Variants in MAST4 observed in about 807,000 individuals in gnomAD.
MAST4 encodes the protein microtubule associated serine/threonine kinase family member 4, also known as microtubule-associated serine/threonine-protein kinase 4.
Under a neutral mutation model 162.7 loss-of-function variants are expected in MAST4, and 89 were observed. The observed-to-expected ratio is 0.55, with a 90% confidence interval of 0.46 to 0.65. The LOEUF (loss-of-function observed/expected upper bound fraction) is 0.65, where lower values mean the gene tolerates loss of function less well. Among genes scored for constraint, MAST4 ranks in the 30% least tolerant of loss-of-function variants. The pLI is 0.00. For missense variants in MAST4, 3,153 were observed against 3,374.0 expected (o/e 0.93, Z 1.62); for synonymous variants, 1,479 against 1,361.1 (o/e 1.09, Z -1.91).
intron 1 of MAST4, among the ~76,000 whole-genome samples, chr5:66,679,879 C>A (rs1748216558): frequency 6.6e-6 from 1 of 152,130 alleles, no homozygotes; most frequent in Admixed American, 6.5e-5. Flanking sequence ...CATCGTCCTT[C>A]AAAGCCCATA....
At chr5:66,771,756 C>CTT (rs201095408) in intron 2 of MAST4, among the ~76,000 whole-genome samples, 51 of 143,572 alleles carry the variant, frequency 3.6e-4, no homozygotes, top group Non-Finnish European at 5.5e-4. Context: ...TGGTTTCGGG[C>CTT]TTTTTTTTTT....
chr5:66,914,391 T>A (rs1306409822), intron 4 of MAST4, among the ~76,000 whole-genome samples: 2 of 152,166 alleles, frequency 1.3e-5, no homozygotes, highest in Non-Finnish European at 2.9e-5. Flanking sequence ...AGCAAATACT[T>A]TGTCCAAAAA....
intron 4 of MAST4, among the ~76,000 whole-genome samples, chr5:67,006,897 A>T (rs868064835): frequency 1.4e-4 from 21 of 152,274 alleles, no homozygotes; most frequent in African/African-American, 4.8e-4. Flanking sequence ...CCGTATCTTC[A>T]ATTTGGCAAA....
rs570411883 is a variant in MAST4 at position 66,630,143 on chromosome 5, G to C, written c.363+33125G>C. ...CTAGACCAACCAAATCAGACTCCTGGGAATGGGGCCTAGGTATTGCTAAAG... is the reference window on the plus strand; with the variant it reads ...CTAGACCAACCAAATCAGACTCCTGCGAATGGGGCCTAGGTATTGCTAAAG... On this transcript the variant is annotated intron_variant, in intron 1 of 28. Transcript: ENST00000403625. 2.2e-3 allele frequency among the ~76,000 whole-genome samples: 329 copies of C among 152,246 alleles called. 1 individual carries two copies. Among genetic ancestry groups the C allele is most frequent in the Non-Finnish European group, 1.3e-3 (91 of 68,028 alleles).
chr5:66,871,356 G>A (rs1056288915), intron 3 of MAST4, among the ~76,000 whole-genome samples: 2 of 152,066 alleles, frequency 1.3e-5, no homozygotes, highest in African/African-American at 4.8e-5. Flanking sequence ...CACAGTAATG[G>A]CTATTTTTAA....
At chr5:66,912,849 G>C (rs1239054128) in intron 4 of MAST4, among the ~76,000 whole-genome samples, 1 of 152,066 alleles carries the variant, frequency 6.6e-6, no homozygotes, top group African/African-American at 2.4e-5. Flanking sequence ...CTTCAAATTG[G>C]TTTTCATAAG....
intron 4 of MAST4, among the ~76,000 whole-genome samples, chr5:66,906,980 T>C (rs1763393441): frequency 1.3e-5 from 2 of 152,106 alleles, no homozygotes; most frequent in African/African-American, 4.8e-5. Flanking sequence ...CTGGGCCTGC[T>C]AGACTTCTGA....
At chr5:66,951,636 G>GTGTGTGTGTA (rs773199634) in intron 4 of MAST4, among the ~76,000 whole-genome samples, 15 of 145,280 alleles carry the variant, frequency 1.0e-4, no homozygotes, top group Non-Finnish European at 1.9e-4. Flanking sequence ...GTGTGTGTGT[G>GTGTGTGTGTA]TGTGTGTGTG....
At chr5:66,975,315 A>T (rs935066347) in intron 4 of MAST4, among the ~76,000 whole-genome samples, 8 of 152,240 alleles carry the variant, frequency 5.3e-5, no homozygotes, top group Non-Finnish European at 1.2e-4. Flanking sequence ...TGCAGGAAGC[A>T]AATGCAGTGG....
intron 3 of MAST4, among the ~76,000 whole-genome samples, chr5:66,896,293 G>A (rs1762678679): frequency 6.6e-6 from 1 of 152,176 alleles, no homozygotes; most frequent in Non-Finnish European, 1.5e-5. Context: ...CAGGCATGAA[G>A]TGTTCTTCTC....
intron 3 of MAST4, among the ~76,000 whole-genome samples, chr5:66,859,604 A>G (rs1184189531): frequency 6.6e-6 from 1 of 152,196 alleles, no homozygotes; most frequent in Non-Finnish European, 1.5e-5. Context: ...TTTTTTATCA[A>G]ATTCAAAGGT....
chr5:66,825,494 C>A (rs1226433392), intron 3 of MAST4, among the ~76,000 whole-genome samples: 1 of 152,102 alleles, frequency 6.6e-6, no homozygotes. Context: ...AGAGGGGAAC[C>A]CATATCCTTG....
intron 1 of MAST4, among the ~76,000 whole-genome samples, chr5:66,643,562 C>A (rs1745623686): frequency 6.6e-6 from 1 of 152,066 alleles, no homozygotes; most frequent in Non-Finnish European, 1.5e-5. Context: ...AGGACAGATA[C>A]CCCATATTGC....
At chr5:67,155,256 A>T (rs1047674599) in intron 26 of MAST4, among the ~76,000 whole-genome samples, 7 of 152,218 alleles carry the variant, frequency 4.6e-5, no homozygotes, top group Admixed American at 2.6e-4. Flanking sequence ...AAAGTCACTC[A>T]GCATCCTCGA....
chr5:66,902,089 A>G lies in MAST4; in HGVS notation c.674+2107A>G, dbSNP rs772903012. Among the ~76,000 whole-genome samples, 84 of 152,160 alleles carry G rather than the reference A, an allele frequency of 5.5e-4. 1 individual carries two copies. Among genetic ancestry groups the G allele is most frequent in the Non-Finnish European group, 1.5e-4 (10 of 67,998 alleles). On this transcript the variant is annotated intron_variant, in intron 4 of 28. Transcript: ENST00000403625. ...TACTGCATACATGCCTCCTCCATAA[A>G]TGCTTTGAAATCTTTTTATATCTTC...
intron 3 of MAST4, among the ~76,000 whole-genome samples, chr5:66,829,303 G>A (rs1002965436): frequency 1.8e-4 from 27 of 152,016 alleles, no homozygotes; most frequent in Non-Finnish European, 2.2e-4. Context: ...CTGTCTGATC[G>A]CCTTGCAGTT....
intron 1 of MAST4, among the ~76,000 whole-genome samples, chr5:66,738,868 G>A (rs149173442): frequency 3.5e-4 from 54 of 152,228 alleles, no homozygotes; most frequent in African/African-American, 1.2e-3. Flanking sequence ...TACCATTGTT[G>A]TTTAAATTTT....
chr5:66,900,812 A>G (rs1762962983), intron 4 of MAST4, among the ~76,000 whole-genome samples: 1 of 152,162 alleles, frequency 6.6e-6, no homozygotes, highest in Non-Finnish European at 1.5e-5. Context: ...GATTTATTCT[A>G]GGCTAAATTT....
Position 66,596,939 on chromosome 5 carries a change from T to G in MAST4, c.284T>G (p.Leu95Arg). The G allele has an allele frequency of 7.2e-7, 1 of 1,380,674 alleles. No individual in the cohort carries two copies. The highest frequency in any genetic ancestry group is 1.7e-5 in the South Asian group (1 of 59,468). The allele number at this position is 1,380,674 out of a possible 1,614,324, so 85.5% of individuals were successfully genotyped here. The change falls in exon 1 of 29, where the codon CTG becomes CGG. Residue 95 changes from leucine to arginine, a missense_variant. By Grantham distance (102) the Leu-to-Arg change is moderately radical. Coordinates refer to ENST00000403625, the MANE Select transcript of MAST4 (RefSeq NM_001164664.2). Reference protein sequence around the residue: ...SVLLERGVLALPPPLPGGAVP... With the variant: ...SVLLERGVLARPPPLPGGAVP... Reference sequence around the variant, plus strand: ...CTGCTGGAGCGCGGAGTCCTTGCGCTGCCGCCGCCGCTTCCCGGAGGAGCT... The same window carrying G: ...CTGCTGGAGCGCGGAGTCCTTGCGCGGCCGCCGCCGCTTCCCGGAGGAGCT...
Sources: gnomAD v4.1 joint callset for allele counts (sites outside exome capture counted in the v4.1 genomes callset) on GRCh38, gnomAD v4.1.1 for gene constraint, MANE v1.5 for transcripts, NCBI Gene and HGNC (gene_info 2026-07-23, HGNC 2026-07-21) for gene names.